CNTN1: variants seen among roughly 807,000 people sequenced by gnomAD.
The protein encoded by CNTN1 is contactin-1.
In CNTN1, 38 loss-of-function variants were observed where a neutral mutation model predicts 126.4. The observed-to-expected ratio is 0.30, with a 90% CI of 0.23 to 0.39. CNTN1 has a LOEUF of 0.39. Ranked by LOEUF, CNTN1 falls within the 10% of genes least tolerant of loss-of-function variation. The pLI is 1.00. For missense variants in CNTN1, 1,009 were observed against 1,248.4 expected (o/e 0.81, Z 2.89); for synonymous variants, 413 against 422.6 (o/e 0.98, Z 0.28).
At chr12:40,997,482 A>G (rs1336171974) in intron 17 of CNTN1, among the ~76,000 whole-genome samples, 1 of 152,138 alleles carries the variant, frequency 6.6e-6, no homozygotes, top group Non-Finnish European at 1.5e-5. Flanking sequence ...TTTCACACAT[A>G]TTTGATAAAA....
chr12:40,938,940 A>AT (rs930574552), intron 11 of CNTN1, among the ~76,000 whole-genome samples: 1 of 151,780 alleles, frequency 6.6e-6, no homozygotes, highest in African/African-American at 2.4e-5. Context: ...TGCCCAGCTA[A>AT]TTTTTTTGTA....
chr12:40,938,801 G>A (rs1156967860), intron 11 of CNTN1, among the ~76,000 whole-genome samples: 1 of 152,066 alleles, frequency 6.6e-6, no homozygotes, highest in Non-Finnish European at 1.5e-5. Flanking sequence ...TTGAGACAGG[G>A]TCTCACGGTG....
intron 1 of CNTN1, among the ~76,000 whole-genome samples, chr12:40,805,553 T>C (rs771016043): frequency 1.3e-5 from 2 of 152,154 alleles, no homozygotes; most frequent in African/African-American, 4.8e-5. Context: ...GCTTAAATTC[T>C]CACTTTGTTA....
chr12:40,891,352 A>C lies in CNTN1; in HGVS notation c.-76-17005A>C, dbSNP rs112878596. Among the ~76,000 whole-genome samples the C allele has an allele frequency of 4.2e-3, 637 of 152,174 alleles. 1 individual carries two copies. Among genetic ancestry groups the C allele is most frequent in the Admixed American group, 7.5e-3 (114 of 15,282 alleles). On this transcript the variant is annotated intron_variant, in intron 1 of 23. Coordinates refer to ENST00000551295, the MANE Select transcript of CNTN1 (RefSeq NM_001843.4). ...TGACCGTGTCTTTTGCAGAGCAGGAATTTTAAATTTTAATGAAGTCCTGCT... is the reference window on the plus strand; with the variant it reads ...TGACCGTGTCTTTTGCAGAGCAGGACTTTTAAATTTTAATGAAGTCCTGCT...
intron 23 of CNTN1, among the ~76,000 whole-genome samples, chr12:41,048,820 A>G (rs563073328): frequency 6.6e-6 from 1 of 152,232 alleles, no homozygotes; most frequent in Admixed American, 6.5e-5. Flanking sequence ...AAAAAAGAAA[A>G]TCTCTTCCAG....
chr12:40,887,787 G>A (rs1944095078), intron 1 of CNTN1, among the ~76,000 whole-genome samples: 1 of 152,046 alleles, frequency 6.6e-6, no homozygotes, highest in Non-Finnish European at 1.5e-5. Flanking sequence ...ACGATAGACT[G>A]GATTAAGAAA....
chr12:40,846,011 A>G (rs1315074803), intron 1 of CNTN1, among the ~76,000 whole-genome samples: 1 of 152,236 alleles, frequency 6.6e-6, no homozygotes, highest in East Asian at 1.9e-4. Context: ...AGTGTGATCT[A>G]AAATGAATTC....
chr12:41,063,657 AGTGATGGAAAGCTTCTCCAAACTAG>A (rs1949988333), intron 23 of CNTN1, among the ~76,000 whole-genome samples: 3 of 152,252 alleles, frequency 2.0e-5, no homozygotes, highest in Admixed American at 2.0e-4. Context: ...TGATTGGTTG[AGTGATGGAAAGCTTCTCCAAACTAG>A]TTCAATCAAA....
chr12:40,993,567 G>A (rs973422146), intron 17 of CNTN1, among the ~76,000 whole-genome samples: 2 of 151,960 alleles, frequency 1.3e-5, no homozygotes, highest in African/African-American at 4.8e-5. Context: ...GGAGACCATT[G>A]GAATGACGTA....
intron 1 of CNTN1, among the ~76,000 whole-genome samples, chr12:40,906,131 C>T (rs1307160320): frequency 1.3e-5 from 2 of 151,910 alleles, no homozygotes; most frequent in South Asian, 2.1e-4. Context: ...ATTAGCCGGG[C>T]GTGGTGGTGG....
intron 17 of CNTN1, among the ~76,000 whole-genome samples, chr12:40,996,877 TGTC>T (rs1423813593): frequency 6.6e-5 from 10 of 152,222 alleles, no homozygotes; most frequent in Non-Finnish European, 1.5e-4. Context: ...ATGTTTGTCT[TGTC>T]GTGTACCATT....
At chr12:40,811,827 C>CA (rs71078272) in intron 1 of CNTN1, among the ~76,000 whole-genome samples, 38,155 of 144,798 alleles carry the variant, frequency 0.26, 5,777 homozygotes, top group Middle Eastern at 0.41. Flanking sequence ...TTTATCTTTT[C>CA]AAAAAAAAAA....
At chr12:40,932,732 C>T (rs1490158548) in intron 7 of CNTN1, among the ~76,000 whole-genome samples, 1 of 151,928 alleles carries the variant, frequency 6.6e-6, no homozygotes, top group East Asian at 1.9e-4. Flanking sequence ...CTACCGTCCT[C>T]ATCAGTCACT....
intron 1 of CNTN1, among the ~76,000 whole-genome samples, chr12:40,854,717 CAG>C (rs1942836648): frequency 6.6e-6 from 1 of 152,076 alleles, no homozygotes; most frequent in African/African-American, 2.4e-5. Flanking sequence ...ATTTCTAACT[CAG>C]AGTAGGAGAG....
chr12:40,983,215 T>G (rs1947866620), intron 16 of CNTN1, among the ~76,000 whole-genome samples: 1 of 152,180 alleles, frequency 6.6e-6, no homozygotes, highest in East Asian at 1.9e-4. Flanking sequence ...TTTGGGTCTT[T>G]GAATCTAAAG....
At chr12:40,748,375 T>C (rs1047812840) in intron 1 of CNTN1, among the ~76,000 whole-genome samples, 1 of 152,092 alleles carries the variant, frequency 6.6e-6, no homozygotes, top group Non-Finnish European at 1.5e-5. Context: ...GAGATGGCCA[T>C]GGCATAGTAG....
At chr12:41,046,669 C>A (rs1165945650) in intron 23 of CNTN1, among the ~76,000 whole-genome samples, 2 of 151,930 alleles carry the variant, frequency 1.3e-5, no homozygotes, top group African/African-American at 4.8e-5. Context: ...TTAAGAACCC[C>A]TGTAAATCTT....
chr12:40,806,460 G>T (rs1940859602), intron 1 of CNTN1, among the ~76,000 whole-genome samples: 1 of 152,098 alleles, frequency 6.6e-6, no homozygotes, highest in Non-Finnish European at 1.5e-5. Context: ...GTCATAAAGT[G>T]TTTCTTTTGT....
intron 15 of CNTN1, among the ~76,000 whole-genome samples, chr12:40,977,330 G>A (rs1947702831): frequency 6.6e-6 from 1 of 152,136 alleles, no homozygotes; most frequent in South Asian, 2.1e-4. Flanking sequence ...AAAATAGATT[G>A]TAAATGCTTC....
Sources: gnomAD v4.1 joint callset for allele counts (sites outside exome capture counted in the v4.1 genomes callset) on GRCh38, gnomAD v4.1.1 for gene constraint, MANE v1.5 for transcripts, NCBI Gene and HGNC (gene_info 2026-07-23, HGNC 2026-07-21) for gene names.